The following DLGAP2 variants were observed in gnomAD, a reference collection of about 807,000 sequenced individuals.
The protein encoded by DLGAP2 is DLG associated protein 2, also known as disks large-associated protein 2.
A neutral mutation model predicts 100.3 loss-of-function variants in DLGAP2; 26 were observed. The observed-to-expected ratio is 0.26, with a 90% CI of 0.19 to 0.36. DLGAP2 has a LOEUF of 0.36. DLGAP2 is among the 10% of genes least tolerant of loss of function. The pLI is 1.00. For synonymous variants in DLGAP2, 886 were observed against 630.1 expected, an observed-to-expected ratio of 1.41 and a Z score of -6.08; for missense variants, 1,858 against 1,453.2, an observed-to-expected ratio of 1.28 and a Z score of -4.53.
chr8:1,220,299 C>A (rs1459051722), intron 2 of DLGAP2, among the ~76,000 whole-genome samples: 1 of 152,074 alleles, frequency 6.6e-6, no homozygotes, highest in Non-Finnish European at 1.5e-5. Context: ...AAGATTGTGG[C>A]ATGTTGTATA....
chr8:845,503 AC>A (rs1797056475), intron 1 of DLGAP2, among the ~76,000 whole-genome samples: 1 of 152,108 alleles, frequency 6.6e-6, no homozygotes, highest in South Asian at 2.1e-4. Flanking sequence ...CCCATTTTAA[AC>A]TAGGTTATTT....
intron 1 of DLGAP2, among the ~76,000 whole-genome samples, chr8:763,427 G>A (rs1821136572): frequency 6.6e-6 from 1 of 152,188 alleles, no homozygotes; most frequent in African/African-American, 2.4e-5. Context: ...TTGCTGCCGT[G>A]CTCTTCTGCT....
chr8:1,565,868 A>G lies in DLGAP2; in HGVS notation c.1416A>G (p.Gly472=). Residue 472 remains glycine (G), a synonymous_variant, in exon 6 of 15, where the codon GGA becomes GGG. Coordinates refer to ENST00000637795, the MANE Select transcript of DLGAP2 (RefSeq NM_001346810.2). The stretch of plus-strand genomic sequence containing the variant: ...CAGAGCCGCTGCTGAAGTCCATCGG[A>G]CAGAGACCGCTTGGAGAGCACCAGA... ...ILPEPLLKSI[G]QRPLGEHQTQ... 6.2e-7 allele frequency: 1 copy of G among 1,610,432 alleles called. No individual in the cohort carries two copies. The highest frequency in any genetic ancestry group is 8.5e-7 in the Non-Finnish European group (1 of 1,178,356).
chr8:1,511,083 G>A (rs1453993673), intron 4 of DLGAP2, among the ~76,000 whole-genome samples: 5 of 152,352 alleles, frequency 3.3e-5, no homozygotes, highest in Admixed American at 1.3e-4. Flanking sequence ...TACAAGCATC[G>A]TCATTTTCAC....
intron 2 of DLGAP2, among the ~76,000 whole-genome samples, chr8:1,094,257 G>A (rs1299996013): frequency 6.6e-6 from 1 of 152,212 alleles, no homozygotes; most frequent in South Asian, 2.1e-4. Flanking sequence ...CGCGAGTAAA[G>A]CTTTCAGCAA....
In DLGAP2 at chr8:1,026,835, A is replaced by G. The variant is rs568060556; in HGVS notation, c.73+118869A>G. ...AATACCCATGAGATTAACGACTTAT[A>G]TGATATTCTAACTGACCCCCAACAC... On this transcript the variant is annotated intron_variant, in intron 2 of 14. Transcript: ENST00000637795. Among the ~76,000 whole-genome samples the G allele has an allele frequency of 1.3e-4, 20 of 152,354 alleles. 2 individuals carry two copies. The South Asian group carries it at 3.3e-3, about 25-fold the overall frequency.
At chr8:1,213,890 CG>C (rs1798158805) in intron 2 of DLGAP2, among the ~76,000 whole-genome samples, 1 of 152,202 alleles carries the variant, frequency 6.6e-6, no homozygotes, top group South Asian at 2.1e-4. Flanking sequence ...CCCCATCACT[CG>C]GGTCCTCACT....
chr8:1,189,300 T>A (rs549514638), intron 2 of DLGAP2, among the ~76,000 whole-genome samples: 4 of 152,346 alleles, frequency 2.6e-5, no homozygotes, highest in East Asian at 3.9e-4. Flanking sequence ...CAAGGCCAAC[T>A]GCAAGGGCGG....
chr8:1,521,918 G>T (rs1387631363), intron 4 of DLGAP2, among the ~76,000 whole-genome samples: 1 of 145,832 alleles, frequency 6.9e-6, no homozygotes, highest in African/African-American at 2.6e-5. Context: ...GGTGATATGG[G>T]GCATCTGGTT....
chr8:1,471,337 C>T (rs71499008), intron 3 of DLGAP2, among the ~76,000 whole-genome samples: 86 of 32,526 alleles, frequency 2.6e-3, no homozygotes, highest in South Asian at 6.5e-3. Flanking sequence ...CCCCTCCAGC[C>T]TTTCCCGACC....
At chr8:1,232,528 C>T (rs1006977682) in intron 2 of DLGAP2, among the ~76,000 whole-genome samples, 3 of 152,244 alleles carry the variant, frequency 2.0e-5, no homozygotes, top group Admixed American at 2.0e-4. Flanking sequence ...CATCACTGTG[C>T]TGGGCTGAGG....
In DLGAP2 at chr8:1,338,760, A is replaced by T. The variant is rs913672445; in HGVS notation, c.106+79877A>T. On this transcript the variant is annotated intron_variant, in intron 3 of 14. Coordinates refer to ENST00000637795, the MANE Select transcript of DLGAP2 (RefSeq NM_001346810.2). ...GGACACGTTGCAGGATGAGGTACGC[A>T]CCCTGTGGAGACTGAACGGGAAGTA... is the stretch of plus-strand genomic sequence containing the variant. Among the ~76,000 whole-genome samples the T allele has an allele frequency of 1.3e-5, 2 of 152,174 alleles. 1 individual carries two copies. The highest frequency in any genetic ancestry group is 4.8e-5 in the African/African-American group (2 of 41,432).
At chr8:1,139,474 C>G (rs1006013699) in intron 2 of DLGAP2, among the ~76,000 whole-genome samples, 1 of 152,314 alleles carries the variant, frequency 6.6e-6, no homozygotes, top group East Asian at 1.9e-4. Context: ...TGTGTCCTCA[C>G]GTGGAGCAAG....
intron 3 of DLGAP2, among the ~76,000 whole-genome samples, chr8:1,463,165 C>T (rs1798508772): frequency 6.6e-6 from 1 of 152,174 alleles, no homozygotes; most frequent in Admixed American, 6.5e-5. Flanking sequence ...AGGAGAATCG[C>T]TTGAATCCAG....
At chr8:1,185,033 G>C (rs977844183) in intron 2 of DLGAP2, among the ~76,000 whole-genome samples, 1 of 152,134 alleles carries the variant, frequency 6.6e-6, no homozygotes, top group Non-Finnish European at 1.5e-5. Context: ...GGGGACGGGG[G>C]ATGGTGAAGT....
chr8:802,548 A>C (rs1356548686), intron 1 of DLGAP2, among the ~76,000 whole-genome samples: 2 of 152,158 alleles, frequency 1.3e-5, no homozygotes, highest in Admixed American at 1.3e-4. Context: ...TCCGGACGGC[A>C]CATCCAGCTC....
chr8:762,235 A>T (rs1254948822), intron 1 of DLGAP2, among the ~76,000 whole-genome samples: 1 of 151,848 alleles, frequency 6.6e-6, no homozygotes, highest in Admixed American at 6.6e-5. Flanking sequence ...GCCCACTCTT[A>T]CCATGAAGTG....
At chr8:1,670,309 C>G (rs543603887) in intron 10 of DLGAP2, among the ~76,000 whole-genome samples, 2 of 152,352 alleles carry the variant, frequency 1.3e-5, no homozygotes, top group South Asian at 4.1e-4. Context: ...CCGCTTCCTG[C>G]CCCGCCCACA....
intron 3 of DLGAP2, among the ~76,000 whole-genome samples, chr8:1,474,118 C>A (rs542471644): frequency 6.6e-6 from 1 of 152,154 alleles, no homozygotes; most frequent in Non-Finnish European, 1.5e-5. Context: ...CTCTTACAAG[C>A]AAGAACATTC....
Sources: allele counts gnomAD v4.1 joint callset (sites outside exome capture counted in the v4.1 genomes callset), GRCh38; gene constraint gnomAD v4.1.1; transcripts MANE v1.5; gene names NCBI Gene and HGNC (gene_info 2026-07-23, HGNC 2026-07-21).